Variants in FOXP2 observed in about 807,000 individuals in gnomAD.
The protein encoded by FOXP2 is forkhead box P2.
In FOXP2, 12 loss-of-function variants were observed where a neutral mutation model predicts 115.8. That is an observed-to-expected ratio of 0.10 (90% confidence interval 0.07 to 0.17). FOXP2 has a LOEUF of 0.17. FOXP2 is among the 10% of genes least tolerant of loss of function. FOXP2 has a pLI of 1.00. For missense variants in FOXP2, 629 were observed against 843.5 expected (o/e 0.75, Z 3.15); for synonymous variants, 328 against 297.7 (o/e 1.10, Z -1.05).
intron 1 of FOXP2, among the ~76,000 whole-genome samples, chr7:114,415,952 C>T (rs1265303443): frequency 1.3e-5 from 2 of 151,942 alleles, no homozygotes; most frequent in Non-Finnish European, 2.9e-5. Context: ...TTTCAAATCA[C>T]TGATTGTGAA....
chr7:114,357,801 C>G (rs1331138255), intron 2 of FOXP2, among the ~76,000 whole-genome samples: 1 of 151,986 alleles, frequency 6.6e-6, no homozygotes, highest in African/African-American at 2.4e-5. Flanking sequence ...TACTGAATAG[C>G]AGCAGTGTGG....
intron 3 of FOXP2, among the ~76,000 whole-genome samples, chr7:114,592,560 C>T (rs1802492324): frequency 6.6e-6 from 1 of 151,840 alleles, no homozygotes; most frequent in Admixed American, 6.6e-5. Flanking sequence ...TATTTTAATC[C>T]AAATCTGTAA....
chr7:114,530,271 TTC>T (rs1186981180), intron 2 of FOXP2, among the ~76,000 whole-genome samples: 1 of 151,940 alleles, frequency 6.6e-6, no homozygotes, highest in East Asian at 1.9e-4. Flanking sequence ...AACAGTGTTT[TTC>T]TCAGAGATGA....
intron 16 of FOXP2, among the ~76,000 whole-genome samples, chr7:114,670,382 AT>A (rs1190377721): frequency 6.6e-6 from 1 of 152,036 alleles, no homozygotes; most frequent in African/African-American, 2.4e-5. Flanking sequence ...AGATCATAAG[AT>A]TTTTTTAAAA....
chr7:114,516,038 T>C (rs974484081), intron 2 of FOXP2, among the ~76,000 whole-genome samples: 3 of 152,120 alleles, frequency 2.0e-5, no homozygotes, highest in Admixed American at 6.5e-5. Flanking sequence ...ATGACTTTCT[T>C]CACAGAATTG....
chr7:114,212,308 A>T (rs1477733612), intron 1 of FOXP2, among the ~76,000 whole-genome samples: 1 of 151,940 alleles, frequency 6.6e-6, no homozygotes, highest in South Asian at 2.1e-4. Context: ...TTTTATTTCA[A>T]TATTAGTAAC....
At chr7:114,546,668 A>G (rs1265947535) in intron 3 of FOXP2, among the ~76,000 whole-genome samples, 1 of 152,060 alleles carries the variant, frequency 6.6e-6, no homozygotes, top group Non-Finnish European at 1.5e-5. Flanking sequence ...TCTCTGATGC[A>G]TCAAAAAGAA....
intron 1 of FOXP2, among the ~76,000 whole-genome samples, chr7:114,173,917 T>C (rs897033011): frequency 6.6e-6 from 1 of 152,006 alleles, no homozygotes; most frequent in Non-Finnish European, 1.5e-5. Flanking sequence ...ATTTTTGCAT[T>C]TGCAGACCTG....
At chr7:114,582,244 G>A (rs1244880574) in intron 3 of FOXP2, among the ~76,000 whole-genome samples, 1 of 152,176 alleles carries the variant, frequency 6.6e-6, no homozygotes, top group Non-Finnish European at 1.5e-5. Context: ...GAATTGGGTA[G>A]AAATTTAAAG....
intron 1 of FOXP2, among the ~76,000 whole-genome samples, chr7:114,267,564 T>G (rs1795923395): frequency 6.6e-6 from 1 of 151,290 alleles, no homozygotes; most frequent in Non-Finnish European, 1.5e-5. Context: ...CTGCCTCTAC[T>G]AAAAGTACAA....
At chr7:114,354,451 C>T (rs529617981) in intron 2 of FOXP2, among the ~76,000 whole-genome samples, 1 of 152,104 alleles carries the variant, frequency 6.6e-6, no homozygotes, top group Non-Finnish European at 1.5e-5. Context: ...TCTGGAGAGC[C>T]CTGAATAATA....
chr7:114,102,377 G>A (rs1790991940), intron 1 of FOXP2, among the ~76,000 whole-genome samples: 1 of 151,698 alleles, frequency 6.6e-6, no homozygotes, highest in Admixed American at 6.6e-5. Context: ...TTCTGTAAAG[G>A]TCTCTATAGT....
chr7:114,436,052 T>C (rs1004924860), intron 2 of FOXP2, among the ~76,000 whole-genome samples: 11 of 152,208 alleles, frequency 7.2e-5, no homozygotes, highest in South Asian at 6.2e-4. Flanking sequence ...GGGAAAAATT[T>C]AAAAAAGCAA....
At chr7:114,104,861 A>G (rs1359858598) in intron 1 of FOXP2, among the ~76,000 whole-genome samples, 1 of 152,044 alleles carries the variant, frequency 6.6e-6, no homozygotes, top group Non-Finnish European at 1.5e-5. Flanking sequence ...AGATTGTAAA[A>G]TGTTATCATG....
chr7:114,442,173 T>C (rs1221571210), intron 2 of FOXP2, among the ~76,000 whole-genome samples: 3 of 152,174 alleles, frequency 2.0e-5, no homozygotes, highest in Non-Finnish European at 4.4e-5. Flanking sequence ...AGCACTGATA[T>C]ATGCCACAAT....
intron 1 of FOXP2, among the ~76,000 whole-genome samples, chr7:114,106,929 A>G (rs1791134011): frequency 6.6e-6 from 1 of 152,026 alleles, no homozygotes; most frequent in South Asian, 2.1e-4. Context: ...TTATAATCAA[A>G]TCTCATTTTC....
chr7:114,583,538 A>G (rs1333042640), intron 3 of FOXP2, among the ~76,000 whole-genome samples: 1 of 152,162 alleles, frequency 6.6e-6, no homozygotes, highest in African/African-American at 2.4e-5. Context: ...AGGCCTTACT[A>G]TCAACATTTT....
intron 2 of FOXP2, among the ~76,000 whole-genome samples, chr7:114,434,019 G>T (rs1265203863): frequency 6.6e-6 from 1 of 151,918 alleles, no homozygotes; most frequent in African/African-American, 2.4e-5. Flanking sequence ...GGATCTTTGT[G>T]TTGAAATGGC....
At chr7:114,403,102 TTA>T (rs2129197039) in intron 2 of FOXP2, among the ~76,000 whole-genome samples, 1 of 152,330 alleles carries the variant, frequency 6.6e-6, no homozygotes, top group South Asian at 2.1e-4. Context: ...AAGTAATAAG[TTA>T]TGTAGTCTGT....
Sources: allele counts gnomAD v4.1 joint callset (sites outside exome capture counted in the v4.1 genomes callset), GRCh38; gene constraint gnomAD v4.1.1; transcripts MANE v1.5; gene names NCBI Gene and HGNC (gene_info 2026-07-23, HGNC 2026-07-21).